Variants in NRXN1 observed in about 807,000 individuals in gnomAD.
The protein encoded by NRXN1 is neurexin-1.
NRXN1 carries 39 observed loss-of-function variants against 150.9 expected under a neutral mutation model. That is an observed-to-expected ratio of 0.26 (90% confidence interval 0.20 to 0.34). NRXN1 has a LOEUF of 0.34. Among genes scored for constraint, NRXN1 ranks in the 10% least tolerant of loss-of-function variants. The pLI, the probability that NRXN1 is intolerant of heterozygous loss-of-function variation, is 1.00. For synonymous variants in NRXN1, 924 were observed against 757.0 expected (o/e 1.22, Z -3.62); for missense variants, 1,815 against 1,949.9 (o/e 0.93, Z 1.30).
At chr2:50,384,343 A>T (rs997388596) in intron 17 of NRXN1, among the ~76,000 whole-genome samples, 1 of 151,710 alleles carries the variant, frequency 6.6e-6, no homozygotes, top group Non-Finnish European at 1.5e-5. Context: ...CATCTCTACT[A>T]AAAATACAAA....
At chr2:50,360,216 G>A (rs1192617506) in intron 17 of NRXN1, among the ~76,000 whole-genome samples, 2 of 152,140 alleles carry the variant, frequency 1.3e-5, no homozygotes, top group Non-Finnish European at 2.9e-5. Context: ...AATGGGCAAA[G>A]TAACCAACTA....
At chr2:49,932,132 T>G (rs933006757) in intron 22 of NRXN1, among the ~76,000 whole-genome samples, 4 of 152,026 alleles carry the variant, frequency 2.6e-5, no homozygotes, top group African/African-American at 9.7e-5. Flanking sequence ...AGTTGCTGAG[T>G]TTGCTGGGCA....
chr2:50,328,738 A>G (rs1218419770), intron 17 of NRXN1, among the ~76,000 whole-genome samples: 1 of 152,110 alleles, frequency 6.6e-6, no homozygotes, highest in Admixed American at 6.6e-5. Flanking sequence ...TCCATCTCAA[A>G]AACAAAAACA....
chr2:50,965,391 T>G (rs577649615), intron 2 of NRXN1, among the ~76,000 whole-genome samples: 1 of 151,380 alleles, frequency 6.6e-6, no homozygotes, highest in South Asian at 2.1e-4. Context: ...ACCAAATATT[T>G]GTATCTCTCC....
At chr2:50,997,370 C>T (rs531728328) in intron 2 of NRXN1, among the ~76,000 whole-genome samples, 1 of 151,584 alleles carries the variant, frequency 6.6e-6, no homozygotes, top group Non-Finnish European at 1.5e-5. Flanking sequence ...TATTTGAAAA[C>T]AAACAAACAA....
intron 3 of NRXN1, among the ~76,000 whole-genome samples, chr2:50,923,231 G>C (rs1441296539): frequency 6.6e-6 from 1 of 151,870 alleles, no homozygotes; most frequent in Non-Finnish European, 1.5e-5. Context: ...TGTAGCGGCT[G>C]ACTAGGCTTG....
rs13029935 is a variant in NRXN1, at chr2:50,472,058, G to C, written c.3244+240C>G. Reference sequence around the variant, plus strand: ...AAAACAAAAACAAAAGCAAAAACAGGCAAAAAAACCAAGATCCATAGATAT... The same window carrying C: ...AAAACAAAAACAAAAGCAAAAACAGCCAAAAAAACCAAGATCCATAGATAT... On this transcript the variant is annotated intron_variant, in intron 16 of 22. Coordinates refer to ENST00000401669, the MANE Select transcript of NRXN1 (RefSeq NM_001330078.2). Among the ~76,000 whole-genome samples the C allele has an allele frequency of 5.7e-3, 856 of 150,888 alleles. 7 individuals are homozygous for C. Among genetic ancestry groups the C allele is most frequent in the African/African-American group, 0.019 (793 of 41,144 alleles).
At chr2:50,314,686 A>T (rs1004708929) in intron 17 of NRXN1, among the ~76,000 whole-genome samples, 1 of 152,068 alleles carries the variant, frequency 6.6e-6, no homozygotes, top group Non-Finnish European at 1.5e-5. Context: ...CAAATGAAAA[A>T]AAAGAATATA....
chr2:50,699,149 C>A (rs764398263), intron 5 of NRXN1, among the ~76,000 whole-genome samples: 1 of 152,146 alleles, frequency 6.6e-6, no homozygotes, highest in African/African-American at 2.4e-5. Context: ...CCAACAAACT[C>A]TTTTCTCTTA....
chr2:50,733,519 C>G (rs1378398312), intron 5 of NRXN1, among the ~76,000 whole-genome samples: 1 of 152,100 alleles, frequency 6.6e-6, no homozygotes, highest in African/African-American at 2.4e-5. Flanking sequence ...TCTCTGCAGA[C>G]TTTCTGTTTT....
intron 18 of NRXN1, among the ~76,000 whole-genome samples, chr2:50,099,648 T>C (rs186760480): frequency 2.6e-4 from 39 of 152,266 alleles, no homozygotes; most frequent in Admixed American, 2.4e-3. Context: ...AGCTTCACCG[T>C]AGTTTGATGG....
At chr2:50,154,353 C>T (rs964982487) in intron 18 of NRXN1, among the ~76,000 whole-genome samples, 1 of 151,268 alleles carries the variant, frequency 6.6e-6, no homozygotes, top group Non-Finnish European at 1.5e-5. Flanking sequence ...CCACCTGCTC[C>T]CTAAAAACCT....
intron 5 of NRXN1, among the ~76,000 whole-genome samples, chr2:50,751,845 C>T (rs1346939920): frequency 3.3e-5 from 5 of 152,002 alleles, no homozygotes; most frequent in East Asian, 3.9e-4. Context: ...TGTCACTTCT[C>T]CAGGAAGATT....
chr2:50,547,394 A>C (rs2093518451), intron 9 of NRXN1: 1 of 152,172 alleles, frequency 6.6e-6, no homozygotes, highest in Non-Finnish European at 1.5e-5. Context: ...CACAAATTTA[A>C]ACAATATTTG....
intron 21 of NRXN1, among the ~76,000 whole-genome samples, chr2:50,009,586 G>GA (rs1558684736): frequency 6.6e-6 from 1 of 152,094 alleles, no homozygotes; most frequent in East Asian, 1.9e-4. Flanking sequence ...CCTGCATGGA[G>GA]AAAATTGCTA....
chr2:50,150,779 G>C (rs1286203345), intron 18 of NRXN1, among the ~76,000 whole-genome samples: 1 of 151,664 alleles, frequency 6.6e-6, no homozygotes, highest in African/African-American at 2.4e-5. Flanking sequence ...GGAGCCCATA[G>C]GGATTGCTAT....
chr2:50,236,285 C>G (rs2065408837), intron 18 of NRXN1, among the ~76,000 whole-genome samples: 3 of 152,012 alleles, frequency 2.0e-5, no homozygotes, highest in Admixed American at 1.3e-4. Flanking sequence ...CAGAAACAAT[C>G]TTTTTGCCAT....
At chr2:50,449,031 T>C (rs905303069) in intron 17 of NRXN1, among the ~76,000 whole-genome samples, 8 of 152,210 alleles carry the variant, frequency 5.3e-5, no homozygotes, top group African/African-American at 1.9e-4. Flanking sequence ...TGCCAAGATC[T>C]TCCTGGTTAA....
rs539817129 is a variant in NRXN1 at position 50,786,692 on chromosome 2, G to A, written c.832+135177C>T. On this transcript the variant is annotated intron_variant, in intron 5 of 22. Coordinates refer to ENST00000401669, the MANE Select transcript of NRXN1 (RefSeq NM_001330078.2). ...TCTGTGTGTGACACAGAGAGAAACC[G>A]TGTGGCAGTTCCTCCCTTTTGTCTT... Among the ~76,000 whole-genome samples the A allele has an allele frequency of 2.6e-5, 4 of 152,184 alleles. No homozygotes were observed. In the East Asian group the frequency reaches 7.7e-4, roughly 29 times the overall value.
Sources: allele counts gnomAD v4.1 joint callset (sites outside exome capture counted in the v4.1 genomes callset), GRCh38; gene constraint gnomAD v4.1.1; transcripts MANE v1.5; gene names NCBI Gene and HGNC (gene_info 2026-07-23, HGNC 2026-07-21).